MAPK8: variants seen among roughly 807,000 people sequenced by gnomAD.
MAPK8 encodes JUN N-terminal kinase.
In MAPK8, 13 loss-of-function variants were observed where a neutral mutation model predicts 52.9. The observed-to-expected ratio is 0.25, with a 90% CI of 0.16 to 0.39. The LOEUF is 0.39. Ranked by LOEUF, MAPK8 falls within the 10% of genes least tolerant of loss-of-function variation. The pLI is 1.00. For missense variants in MAPK8, 300 were observed against 519.2 expected (o/e 0.58, Z 4.10); for synonymous variants, 191 against 169.8 (o/e 1.12, Z -0.97).
intron 1 of MAPK8, among the ~76,000 whole-genome samples, chr10:48,364,572 C>T (rs925557437): frequency 6.6e-6 from 1 of 152,072 alleles, no homozygotes. Context: ...TTGATGCTCT[C>T]AATAATTTGG....
chr10:48,398,984 C>T (rs769125966), intron 1 of MAPK8, among the ~76,000 whole-genome samples: 6 of 152,136 alleles, frequency 3.9e-5, no homozygotes, highest in Non-Finnish European at 8.8e-5. Context: ...ACAGTTGGTA[C>T]AATTTTTAGG....
intron 10 of MAPK8, chr10:48,429,959 G>T (rs1325409019): frequency 2.6e-5 from 4 of 152,150 alleles, no homozygotes; most frequent in Non-Finnish European, 4.4e-5. Flanking sequence ...AAGATTCCAT[G>T]ACCCAAAGAA....
intron 5 of MAPK8, among the ~76,000 whole-genome samples, chr10:48,419,571 C>T (rs553707599): frequency 6.6e-6 from 1 of 151,564 alleles, no homozygotes; most frequent in African/African-American, 2.4e-5. Context: ...CTTCTACAAA[C>T]AGACAGAAAT....
At chr10:48,306,917 C>T in intron 1 of MAPK8, 96 bp downstream of exon 1, 1 of 152,468 alleles carries the variant, frequency 6.6e-6, no homozygotes, top group South Asian at 1.9e-4. Context: ...TCTCCTCAGC[C>T]GTAACCCCCT....
intron 1 of MAPK8, among the ~76,000 whole-genome samples, chr10:48,365,208 T>A (rs1012487565): frequency 6.6e-6 from 1 of 152,198 alleles, no homozygotes; most frequent in African/African-American, 2.4e-5. Flanking sequence ...TGTTTGCCAG[T>A]GTTCTTAAGG....
rs2045055897 is a variant in MAPK8 at position 48,438,726 on chromosome 10, A to G, written c.*3697A>G. ...AATGTGTGTTAAATACTTTCTAGCC[A>G]ATGTTGACACAATACCAGTAAGTAT... On this transcript the variant is annotated 3_prime_UTR_variant, in exon 12 of 12. Transcript: ENST00000374189. 6.6e-6 allele frequency: 1 copy of G among 152,232 alleles called. No individual in the cohort carries two copies. The highest frequency in any genetic ancestry group is 1.5e-5 in the Non-Finnish European group (1 of 68,044). The allele number at this position is 152,232 out of a possible 1,614,324, so 9.4% of individuals were successfully genotyped here.
chr10:48,319,113 C>T (rs2009519511), intron 1 of MAPK8, among the ~76,000 whole-genome samples: 1 of 152,102 alleles, frequency 6.6e-6, no homozygotes, highest in African/African-American at 2.4e-5. Flanking sequence ...GACTGTTACT[C>T]ATGACCCATT....
chr10:48,403,450 T>G (rs754749664), intron 2 of MAPK8, among the ~76,000 whole-genome samples: 2 of 149,090 alleles, frequency 1.3e-5, no homozygotes, highest in African/African-American at 4.9e-5. Context: ...AGAGTGAGAC[T>G]CCGTCTAAAA....
intron 1 of MAPK8, among the ~76,000 whole-genome samples, chr10:48,355,470 C>A (rs1450684679): frequency 6.9e-6 from 1 of 144,134 alleles, no homozygotes; most frequent in Non-Finnish European, 1.5e-5. Context: ...GATTGCGCCA[C>A]TGCACTCCAG....
intron 1 of MAPK8, among the ~76,000 whole-genome samples, chr10:48,378,850 T>C (rs986652478): frequency 3.3e-5 from 5 of 152,128 alleles, no homozygotes; most frequent in African/African-American, 9.7e-5. Context: ...ATTGCAGCCT[T>C]GAATTCCTGG....
At chr10:48,392,554 A>G (rs965297393) in intron 1 of MAPK8, among the ~76,000 whole-genome samples, 8 of 152,012 alleles carry the variant, frequency 5.3e-5, no homozygotes, top group African/African-American at 1.9e-4. Context: ...ACACACTAAT[A>G]TCTCCATCCG....
chr10:48,405,035 G>A, intron 3 of MAPK8, 54 bp downstream of exon 3: 4 of 1,214,738 alleles, frequency 3.3e-6, no homozygotes, highest in Non-Finnish European at 4.7e-6. Flanking sequence ...ATTTATTCAT[G>A]AATATGTGAA....
chr10:48,381,031 T>C (rs1258872294), intron 1 of MAPK8, among the ~76,000 whole-genome samples: 3 of 152,182 alleles, frequency 2.0e-5, no homozygotes, highest in Non-Finnish European at 4.4e-5. Context: ...TCCTTTTCTT[T>C]TGTAGTTTAC....
rs144638561 is a variant in MAPK8 at position 48,402,797 on chromosome 10, A to G, written c.122+1015A>G. Among the ~76,000 whole-genome samples, 4 of 152,318 alleles carry G rather than the reference A, an allele frequency of 2.6e-5. No individual in the cohort carries two copies. In the East Asian group the frequency reaches 7.7e-4, roughly 29 times the overall value. On this transcript the variant is annotated intron_variant, in intron 2 of 11. Coordinates refer to ENST00000374189, the MANE Select transcript of MAPK8 (RefSeq NM_001323329.2). ...AGTCATGCATAGGATTGGTGTTTGC[A>G]GCACCATTTATAACAGCAAAAATTG...
Position 48,370,308 on chromosome 10 carries a change from A to G in MAPK8, c.-49-31304A>G, listed in dbSNP as rs73296764. On this transcript the variant is annotated intron_variant, in intron 1 of 11. Transcript: ENST00000374189. ...TAATAGATACTGTAGAAATTAGACT[A>G]GTGCAACTTGGGATTTTTTTTTTCA... Among the ~76,000 whole-genome samples, 450 of 152,280 alleles carry G rather than the reference A, an allele frequency of 3.0e-3. 4 individuals are homozygous for G. The highest frequency in any genetic ancestry group is 0.011 in the African/African-American group (438 of 41,554).
chr10:48,327,215 G>C (rs1474472509), intron 1 of MAPK8, among the ~76,000 whole-genome samples: 1 of 152,056 alleles, frequency 6.6e-6, no homozygotes, highest in East Asian at 1.9e-4. Flanking sequence ...TTTTTGAGGG[G>C]AGTAGAGTAG....
intron 8 of MAPK8, 38 bp from the exon 9 acceptor site, chr10:48,426,342 T>G (rs2043683180): frequency 6.5e-7 from 1 of 1,528,790 alleles, no homozygotes; most frequent in Non-Finnish European, 8.8e-7. Flanking sequence ...TTGAGAATCT[T>G]TACAAATATA....
At chr10:48,392,123 G>T (rs112406981) in intron 1 of MAPK8, among the ~76,000 whole-genome samples, 2 of 152,150 alleles carry the variant, frequency 1.3e-5, no homozygotes, top group Admixed American at 6.5e-5. Flanking sequence ...CTAACAGGCC[G>T]AGTGGAGAAA....
rs7911829 is a variant in MAPK8, at chr10:48,325,618, G to A, written c.-50+18797G>A. Among the ~76,000 whole-genome samples the A allele has an allele frequency of 3.1e-3, 466 of 152,090 alleles. 1 individual carries two copies. Among genetic ancestry groups the A allele is most frequent in the African/African-American group, 0.01 (417 of 41,490 alleles). ...CCCAATTTCTCCTATAATTAACATC[G>A]TATGTTTGCATGGCACATTTATTAC... On this transcript the variant is annotated intron_variant, in intron 1 of 11. Transcript: ENST00000374189.
Sources: allele counts gnomAD v4.1 joint callset (sites outside exome capture counted in the v4.1 genomes callset), GRCh38; gene constraint gnomAD v4.1.1; transcripts MANE v1.5; gene names NCBI Gene and HGNC (gene_info 2026-07-23, HGNC 2026-07-21).